Variants in APPBP2 observed in about 807,000 individuals in gnomAD.
APPBP2 encodes the protein amyloid protein-binding protein 2.
A neutral mutation model predicts 76.0 loss-of-function variants in APPBP2; 15 were observed. That is an observed-to-expected ratio of 0.20 (90% CI 0.13 to 0.30). The LOEUF (loss-of-function observed/expected upper bound fraction) is 0.30, where lower values mean the gene tolerates loss of function less well. Ranked by LOEUF, APPBP2 falls within the 10% of genes least tolerant of loss-of-function variation. APPBP2 has a pLI of 1.00. For synonymous variants in APPBP2, 222 were observed against 242.2 expected, an observed-to-expected ratio of 0.92 and a Z score of 0.77; for missense variants, 401 against 687.2, an observed-to-expected ratio of 0.58 and a Z score of 4.66.
chr17:60,518,994 T>G (rs1166061780), intron 1 of APPBP2, among the ~76,000 whole-genome samples: 1 of 152,210 alleles, frequency 6.6e-6, no homozygotes, highest in Non-Finnish European at 1.5e-5. Context: ...GTTCTCACTG[T>G]GTTGCCCAGG....
At position 60,497,114 on chromosome 17, in the gene APPBP2, C is replaced by G. The variant is rs192387353; in HGVS notation, c.228-2497G>C. Among the ~76,000 whole-genome samples the G allele has an allele frequency of 3.0e-3, 453 of 152,236 alleles. 4 individuals carry two copies. The highest frequency in any genetic ancestry group is 3.4e-3 in the Middle Eastern group (1 of 294). On this transcript the variant is annotated intron_variant, in intron 2 of 12. Coordinates refer to ENST00000083182, the MANE Select transcript of APPBP2 (RefSeq NM_006380.5). ...ATCCTACTCACTGCTATGGCCCCAG[C>G]ATCTAAAACAGTATCTGGAAAATGT...
At chr17:60,511,758 T>C (rs575922209) in intron 1 of APPBP2, among the ~76,000 whole-genome samples, 1 of 152,300 alleles carries the variant, frequency 6.6e-6, no homozygotes, top group East Asian at 1.9e-4. Context: ...ATTTTTACCA[T>C]CCATCTACAG....
intron 2 of APPBP2, among the ~76,000 whole-genome samples, chr17:60,498,655 C>A (rs1034837805): frequency 2.0e-5 from 3 of 151,706 alleles, no homozygotes; most frequent in African/African-American, 7.3e-5. Flanking sequence ...TAAAACAATA[C>A]TGGGGGAAAA....
intron 1 of APPBP2, 118 bp from the exon 2 acceptor site, chr17:60,500,605 TG>T (rs2090815437): frequency 2.8e-6 from 2 of 719,572 alleles, no homozygotes; most frequent in African/African-American, 1.8e-5. Context: ...TTAAGAGAAA[TG>T]TAACACTAAC....
chr17:60,498,446 ATGC>A (rs1319970063), intron 2 of APPBP2, among the ~76,000 whole-genome samples: 11 of 152,192 alleles, frequency 7.2e-5, no homozygotes. Flanking sequence ...TCTAATAGAT[ATGC>A]ATACATATGT....
At position 60,466,365 on chromosome 17, in the gene APPBP2, C is replaced by A. The variant is rs1244347622; in HGVS notation, c.598G>T (p.Gly200Cys). Reference protein sequence around the residue: ...QTYMDKLSKHGQQANKAALYG... With the variant: ...QTYMDKLSKHCQQANKAALYG... ...AGTGCAGCTTTATTTGCTTGCTGGC[C>A]ATGTTTTGATAGTTTATCCATATAT... The change falls in exon 5 of 13, where the codon GGC becomes TGC. Residue 200 changes from glycine (G) to cysteine (C), a missense_variant. Physicochemically the swap from Gly to Cys is radical, Grantham distance 159. Transcript: ENST00000083182. 7.4e-6 allele frequency: 12 copies of A among 1,613,856 alleles called. No homozygotes were observed. The highest frequency in any genetic ancestry group is 3.3e-5 in the Admixed American group (2 of 59,982).
chr17:60,447,425 A>G lies in APPBP2; in HGVS notation c.*156T>C. 1 of 738,636 alleles carries G rather than the reference A, an allele frequency of 1.4e-6. No individual in the cohort carries two copies. The highest frequency in any genetic ancestry group is 2.0e-5 in the South Asian group (1 of 50,332). The allele number at this position is 738,636 out of a possible 1,614,324, so 45.8% of individuals were successfully genotyped here. On this transcript the variant is annotated 3_prime_UTR_variant, in exon 13 of 13. Coordinates refer to ENST00000083182, the MANE Select transcript of APPBP2 (RefSeq NM_006380.5). ...TGAATATATGCTTATTCCTACAGAC[A>G]TTCTGCAAGATAGGGATCACCCAAA...
intron 1 of APPBP2, among the ~76,000 whole-genome samples, chr17:60,524,155 C>T (rs957065630): frequency 7.9e-5 from 12 of 152,192 alleles, no homozygotes; most frequent in Non-Finnish European, 5.9e-5. Flanking sequence ...TACTAATAAT[C>T]TTCAAATGAA....
In APPBP2 at chr17:60,483,804, C is replaced by T. The variant is rs370229862; in HGVS notation, c.380-4533G>A. Among the ~76,000 whole-genome samples, 8 of 152,262 alleles carry T rather than the reference C, an allele frequency of 5.3e-5. No individual in the cohort carries two copies. In the South Asian group the frequency reaches 1.5e-3, roughly 28 times the overall value. On this transcript the variant is annotated intron_variant, in intron 3 of 12. Coordinates refer to ENST00000083182, the MANE Select transcript of APPBP2 (RefSeq NM_006380.5). ...GTGTTTTAGACATGAAGTCCTTGCC[C>T]GTGCCTATGTCCTGAATGGTATTGC...
At chr17:60,505,419 C>A (rs1422552771) in intron 1 of APPBP2, among the ~76,000 whole-genome samples, 1 of 152,214 alleles carries the variant, frequency 6.6e-6, no homozygotes, top group East Asian at 1.9e-4. Context: ...GCGTTCACGC[C>A]ATTCTCCTGC....
chr17:60,488,565 C>T (rs2090700233), intron 3 of APPBP2, among the ~76,000 whole-genome samples: 1 of 152,080 alleles, frequency 6.6e-6, no homozygotes, highest in Admixed American at 6.6e-5. Context: ...AAATAATGTT[C>T]TAAAACTTTT....
intron 9 of APPBP2, among the ~76,000 whole-genome samples, chr17:60,457,116 CAA>C (rs1170099351): frequency 7.2e-6 from 1 of 138,850 alleles, no homozygotes; most frequent in African/African-American, 3.1e-5. Context: ...GCATGAGTGA[CAA>C]AGACTGTCTC....
chr17:60,495,187 C>G (rs915588159), intron 2 of APPBP2, among the ~76,000 whole-genome samples: 2 of 151,446 alleles, frequency 1.3e-5, no homozygotes, highest in African/African-American at 4.8e-5. Context: ...AGGGTCTCAC[C>G]ATGTTAGCCG....
At chr17:60,474,986 T>C (rs112024640) in intron 4 of APPBP2, among the ~76,000 whole-genome samples, 11,950 of 152,068 alleles carry the variant, frequency 0.079, 1,589 homozygotes, top group African/African-American at 0.27. Context: ...TCCCAGCACT[T>C]TGGGGGGCCA....
chr17:60,477,849 A>G lies in APPBP2; in HGVS notation c.503+1299T>C, dbSNP rs1026590166. 2.6e-5 allele frequency among the ~76,000 whole-genome samples: 4 copies of G among 151,900 alleles called. No individual in the cohort carries two copies. In the East Asian group the frequency reaches 7.7e-4, roughly 29 times the overall value. On this transcript the variant is annotated intron_variant, in intron 4 of 12. Coordinates refer to ENST00000083182, the MANE Select transcript of APPBP2 (RefSeq NM_006380.5). ...TTTTACTCAATTTTAGCTTAAAGCAACAATAATCTGGCTGGGTGTAGAGGT... is the reference window on the plus strand; with the variant it reads ...TTTTACTCAATTTTAGCTTAAAGCAGCAATAATCTGGCTGGGTGTAGAGGT...
At chr17:60,511,161 C>A (rs1262168430) in intron 1 of APPBP2, among the ~76,000 whole-genome samples, 2 of 152,190 alleles carry the variant, frequency 1.3e-5, no homozygotes, top group African/African-American at 2.4e-5. Context: ...TCATACATAA[C>A]ACAATATATA....
intron 12 of APPBP2, among the ~76,000 whole-genome samples, chr17:60,449,007 C>T (rs535526452): frequency 5.9e-4 from 90 of 152,156 alleles, no homozygotes; most frequent in African/African-American, 2.1e-3. Context: ...AATTGTTGTG[C>T]AAAAGAATAA....
At position 60,456,312 on chromosome 17, in the gene APPBP2, A is replaced by G. The variant is rs752815291; in HGVS notation, c.1131T>C (p.Ser377=). The G allele has an allele frequency of 6.2e-7, 1 of 1,607,198 alleles. No homozygotes were observed. The highest frequency in any genetic ancestry group is 1.7e-5 in the Admixed American group (1 of 59,990). Residue 377 remains serine (S), a synonymous_variant, in exon 10 of 13, where the codon TCT becomes TCC. Coordinates refer to ENST00000083182, the MANE Select transcript of APPBP2 (RefSeq NM_006380.5). Reference sequence around the variant, plus strand: ...AAAGGATACCTTTCACCCTCTTTGAAGAAGCCAAAAGAAGATGATCTTCAG... The same window carrying G: ...AAAGGATACCTTTCACCCTCTTTGAGGAAGCCAAAAGAAGATGATCTTCAG... ...ILPEDHLLLA[S]SKRVKALILE...
At chr17:60,456,896 G>A (rs2090435161) in intron 9 of APPBP2, among the ~76,000 whole-genome samples, 1 of 152,006 alleles carries the variant, frequency 6.6e-6, no homozygotes, top group African/African-American at 2.4e-5. Flanking sequence ...AGCACTTTGG[G>A]AGGCTGAGGT....
Sources: allele counts gnomAD v4.1 joint callset (sites outside exome capture counted in the v4.1 genomes callset), GRCh38; gene constraint gnomAD v4.1.1; transcripts MANE v1.5; gene names NCBI Gene and HGNC (gene_info 2026-07-23, HGNC 2026-07-21).